The following XRCC4 variants were observed in gnomAD, a reference collection of about 807,000 sequenced individuals.
XRCC4 encodes DNA repair protein XRCC4.
XRCC4 carries 28 observed loss-of-function variants against 39.1 expected under a neutral mutation model. The ratio of observed to expected loss-of-function variants is 0.72; its 90% CI spans 0.53 to 0.98. The LOEUF is 0.98. XRCC4 is among the 50% of genes least tolerant of loss of function. The probability of loss-of-function intolerance (pLI) is 0.00; values close to 1 mark genes in which losing one functional copy is unlikely to be tolerated. For synonymous variants in XRCC4, 123 were observed against 126.4 expected (o/e 0.97, Z 0.18); for missense variants, 350 against 376.4 (o/e 0.93, Z 0.58).
At chr5:83,143,615 A>G (rs1748289831) in intron 3 of XRCC4, among the ~76,000 whole-genome samples, 1 of 152,154 alleles carries the variant, frequency 6.6e-6, no homozygotes, top group African/African-American at 2.4e-5. Context: ...CATTTCCTGT[A>G]GTACAGGCTG....
At chr5:83,218,457 G>C (rs1751957938) in intron 6 of XRCC4, among the ~76,000 whole-genome samples, 3 of 151,950 alleles carry the variant, frequency 2.0e-5, no homozygotes, top group Admixed American at 2.0e-4. Flanking sequence ...CTAGGACAGT[G>C]TTTGTATGTC....
At chr5:83,120,691 T>C (rs1746969867) in intron 3 of XRCC4, among the ~76,000 whole-genome samples, 1 of 152,242 alleles carries the variant, frequency 6.6e-6, no homozygotes, top group African/African-American at 2.4e-5. Flanking sequence ...GATGAATATC[T>C]GGTGATTTCA....
At chr5:83,361,787 A>G in the XRCC4 span, among the ~76,000 whole-genome samples, 1 of 151,918 alleles carries the variant, frequency 6.6e-6, no homozygotes, top group Non-Finnish European at 1.5e-5. Flanking sequence ...ATGCCCAGCT[A>G]ATTTTTGTAT....
At chr5:83,313,970 A>C (rs1323893789) in intron 7 of XRCC4, among the ~76,000 whole-genome samples, 1 of 152,208 alleles carries the variant, frequency 6.6e-6, no homozygotes, top group African/African-American at 2.4e-5. Context: ...TTCTGAGTAA[A>C]GAATTTCTAG....
intron 6 of XRCC4, among the ~76,000 whole-genome samples, chr5:83,205,533 C>G (rs192907902): frequency 7.2e-5 from 11 of 152,210 alleles, no homozygotes; most frequent in Admixed American, 2.0e-4. Flanking sequence ...ACGGTGGAAA[C>G]AGGAGCCTCT....
At chr5:83,109,676 A>G (rs1217346010) in intron 2 of XRCC4, among the ~76,000 whole-genome samples, 1 of 151,942 alleles carries the variant, frequency 6.6e-6, no homozygotes, top group African/African-American at 2.4e-5. Flanking sequence ...TTGAAGAGGT[A>G]TTTCAAAACC....
At chr5:83,192,166 A>G (rs1388481765) in intron 3 of XRCC4, among the ~76,000 whole-genome samples, 1 of 149,976 alleles carries the variant, frequency 6.7e-6, no homozygotes, top group Middle Eastern at 3.3e-3. Context: ...CTTTATATAT[A>G]TATACACGTA....
intron 6 of XRCC4, among the ~76,000 whole-genome samples, chr5:83,230,097 TGC>T (rs1188440747): frequency 6.6e-6 from 1 of 152,010 alleles, no homozygotes; most frequent in Non-Finnish European, 1.5e-5. Flanking sequence ...TAGTAACATT[TGC>T]AGCATGTTTG....
intron 3 of XRCC4, among the ~76,000 whole-genome samples, chr5:83,187,573 A>G (rs1350512831): frequency 6.6e-6 from 1 of 152,182 alleles, no homozygotes; most frequent in Non-Finnish European, 1.5e-5. Flanking sequence ...GGCACAGCAA[A>G]GGGAGGGAGA....
At chr5:83,108,698 G>A (rs1418403735) in intron 2 of XRCC4, among the ~76,000 whole-genome samples, 4 of 151,486 alleles carry the variant, frequency 2.6e-5, no homozygotes, top group Non-Finnish European at 5.9e-5. Flanking sequence ...TTCTATGGCC[G>A]CATTAAAGAT....
intron 3 of XRCC4, among the ~76,000 whole-genome samples, chr5:83,161,060 C>G (rs1217515621): frequency 2.0e-5 from 3 of 151,612 alleles, no homozygotes; most frequent in Non-Finnish European, 4.4e-5. Flanking sequence ...GAAACTGATG[C>G]AGTGAAAGGC....
chr5:83,106,034 A>G (rs1434738539), intron 2 of XRCC4, among the ~76,000 whole-genome samples: 2 of 152,160 alleles, frequency 1.3e-5, no homozygotes, highest in Non-Finnish European at 2.9e-5. Flanking sequence ...AGAACAGGTA[A>G]TGTTGATGTA....
chr5:83,275,860 A>C (rs1313984012), intron 7 of XRCC4, among the ~76,000 whole-genome samples: 1 of 152,212 alleles, frequency 6.6e-6, no homozygotes, highest in Non-Finnish European at 1.5e-5. Context: ...TCAGATTTAC[A>C]TGCATGATTC....
rs1554054085 is a variant in XRCC4 at position 83,103,025 on chromosome 5, T to TATATAC, written c.-10-1880_-10-1879insCATATA. On this transcript the variant is annotated intron_variant, in intron 1 of 7. Coordinates refer to ENST00000396027, the MANE Select transcript of XRCC4 (RefSeq NM_003401.5). ...GATAGAGCTGATATATATATATATA[T>TATATAC]ATATATGTCAACATATTTCCATTAA... Among the ~76,000 whole-genome samples the TATATAC allele has an allele frequency of 4.1e-4, 58 of 142,672 alleles. 1 individual carries two copies. Among genetic ancestry groups the TATATAC allele is most frequent in the African/African-American group, 1.5e-3 (55 of 36,230 alleles). 93.6% of individuals were successfully genotyped at this position (142,672 alleles called of 152,430 possible).
At chr5:83,252,460 CTTT>C (rs879759890) in intron 6 of XRCC4, among the ~76,000 whole-genome samples, 1 of 144,006 alleles carries the variant, frequency 6.9e-6, no homozygotes. Context: ...ATTTATCTTA[CTTT>C]TTTTTTTTGT....
At chr5:83,346,629 A>G (rs1322171434) in intron 7 of XRCC4, among the ~76,000 whole-genome samples, 1 of 152,206 alleles carries the variant, frequency 6.6e-6, no homozygotes, top group African/African-American at 2.4e-5. Flanking sequence ...AGTAACACTT[A>G]TATTTGTTCT....
intron 6 of XRCC4, among the ~76,000 whole-genome samples, chr5:83,248,494 G>A (rs1473971100): frequency 6.6e-6 from 1 of 152,140 alleles, no homozygotes; most frequent in Non-Finnish European, 1.5e-5. Context: ...TCAAGATGAA[G>A]TTTTGAAAGG....
intron 5 of XRCC4, 27 bp downstream of exon 5, chr5:83,203,734 G>A (rs1751307984): frequency 6.2e-7 from 1 of 1,605,832 alleles, no homozygotes; most frequent in East Asian, 2.2e-5. Context: ...GTTTTTGGAT[G>A]ACAGATGAAT....
intron 6 of XRCC4, among the ~76,000 whole-genome samples, chr5:83,225,758 T>C (rs1752263585): frequency 6.6e-6 from 1 of 151,932 alleles, no homozygotes; most frequent in African/African-American, 2.4e-5. Flanking sequence ...GAAACCAGGC[T>C]ATCAATTAGC....
Sources: allele counts gnomAD v4.1 joint callset (sites outside exome capture counted in the v4.1 genomes callset), GRCh38; gene constraint gnomAD v4.1.1; transcripts MANE v1.5; gene names NCBI Gene and HGNC (gene_info 2026-07-23, HGNC 2026-07-21).